Variants in APLP2 observed in about 807,000 individuals in gnomAD.
APLP2 encodes CDEI box-binding protein.
In APLP2, 53 loss-of-function variants were observed where a neutral mutation model predicts 89.9. The ratio of observed to expected loss-of-function variants is 0.59; its 90% CI spans 0.47 to 0.74. The LOEUF (loss-of-function observed/expected upper bound fraction) is 0.74, where lower values mean the gene tolerates loss of function less well. Among genes scored for constraint, APLP2 ranks in the 30% least tolerant of loss-of-function variants. The probability of loss-of-function intolerance (pLI) is 0.00; values close to 1 mark genes in which losing one functional copy is unlikely to be tolerated. For synonymous variants in APLP2, 372 were observed against 348.6 expected (o/e 1.07, Z -0.75); for missense variants, 973 against 975.9 (o/e 1.00, Z 0.04).
intron 1 of APLP2, among the ~76,000 whole-genome samples, chr11:130,085,282 T>A (rs1943927851): frequency 1.3e-5 from 2 of 152,118 alleles, no homozygotes; most frequent in African/African-American, 4.8e-5. Context: ...AAACGCCGTC[T>A]CTACTAAAAA....
chr11:130,134,379 G>C (rs1951297909), intron 12 of APLP2, among the ~76,000 whole-genome samples: 1 of 152,182 alleles, frequency 6.6e-6, no homozygotes, highest in Admixed American at 6.5e-5. Flanking sequence ...TGGTAGCAGA[G>C]GGAGCGGCAG....
chr11:130,090,865 C>A (rs1007749711), intron 1 of APLP2, among the ~76,000 whole-genome samples: 1 of 150,130 alleles, frequency 6.7e-6, no homozygotes, highest in Non-Finnish European at 1.5e-5. Context: ...CCTCACCTCC[C>A]GGACGGGGCG....
At chr11:130,083,477 C>T (rs1368855162) in intron 1 of APLP2, among the ~76,000 whole-genome samples, 3 of 152,188 alleles carry the variant, frequency 2.0e-5, no homozygotes, top group African/African-American at 7.2e-5. Flanking sequence ...AAACTTTATA[C>T]CTGTTGAATA....
rs1229173712 is a variant in APLP2 at position 130,121,772 on chromosome 11, A to G, written c.675A>G (p.Glu225=). The change falls in exon 5 of 17, where the codon GAA becomes GAG. Residue 225 remains glutamate, a synonymous_variant. Transcript: ENST00000338167. ...AAGAGGAAGATGAAGAGGAAGAGGA[A>G]GAGGAAGATGAAGAGGAAGACTATG... ...EEEEEDEEEE[E]EEDEEEDYDV... The G allele has an allele frequency of 6.2e-7, 1 of 1,613,310 alleles. No individual in the cohort carries two copies. The highest frequency in any genetic ancestry group is 2.2e-5 in the East Asian group (1 of 44,878).
intron 4 of APLP2, among the ~76,000 whole-genome samples, chr11:130,121,196 T>C (rs1035299865): frequency 6.6e-6 from 1 of 152,230 alleles, no homozygotes; most frequent in Non-Finnish European, 1.5e-5. Flanking sequence ...ACTTTTCTGG[T>C]GGCAAGAAGT....
At chr11:130,097,141 T>C (rs1162090876) in intron 1 of APLP2, among the ~76,000 whole-genome samples, 1 of 152,218 alleles carries the variant, frequency 6.6e-6, no homozygotes, top group Non-Finnish European at 1.5e-5. Flanking sequence ...TAGAGCACTT[T>C]CGTATTTTTG....
chr11:130,137,732 T>C (rs1951800027), intron 13 of APLP2, among the ~76,000 whole-genome samples: 2 of 152,234 alleles, frequency 1.3e-5, no homozygotes, highest in Admixed American at 1.3e-4. Context: ...CTTTTCTTTT[T>C]GGCTCTCCTC....
intron 1 of APLP2, among the ~76,000 whole-genome samples, chr11:130,079,244 A>G (rs1469821958): frequency 6.6e-6 from 1 of 151,920 alleles, no homozygotes; most frequent in Non-Finnish European, 1.5e-5. Context: ...GATTACAGGC[A>G]CCCACCACCA....
At chr11:130,075,429 A>G (rs1489760221) in intron 1 of APLP2, among the ~76,000 whole-genome samples, 1 of 152,232 alleles carries the variant, frequency 6.6e-6, no homozygotes, top group Non-Finnish European at 1.5e-5. Flanking sequence ...GTATTTATTA[A>G]ACCTGTTACA....
Position 130,123,568 on chromosome 11 carries a change from G to C in APLP2, c.923-44G>C. ...CCTGTAGCATTTTGAAGCATTTGAC[G>C]TCACTGCCTCTGTCCTGCTGACACT... On this transcript the variant is annotated intron_variant, in intron 6 of 16. Coordinates refer to ENST00000338167, the MANE Select transcript of APLP2 (RefSeq NM_001142276.2). The surrounding 1 kb of genome is among the most constrained non-coding windows in gnomAD (Gnocchi z 4.0). The C allele has an allele frequency of 6.3e-7, 1 of 1,578,156 alleles. No individual in the cohort carries two copies. Among genetic ancestry groups the C allele is most frequent in the African/African-American group, 1.4e-5 (1 of 73,990 alleles).
intron 1 of APLP2, among the ~76,000 whole-genome samples, chr11:130,084,499 T>G (rs1387275546): frequency 6.6e-6 from 1 of 152,202 alleles, no homozygotes; most frequent in Non-Finnish European, 1.5e-5. Flanking sequence ...CTTTTTTTTG[T>G]AGTGTCTTAA....
In APLP2 at chr11:130,119,272, G is replaced by A. The variant is rs564186509; in HGVS notation, c.404-1434G>A. On this transcript the variant is annotated intron_variant, in intron 3 of 16. Transcript: ENST00000338167. Reference sequence around the variant, plus strand: ...TCTTCCTGGGCTAAGCACCCTTCTCGCCCTCTCTTCCTCTCCCTCTACACT... The same window carrying A: ...TCTTCCTGGGCTAAGCACCCTTCTCACCCTCTCTTCCTCTCCCTCTACACT... 3.9e-5 allele frequency among the ~76,000 whole-genome samples: 6 copies of A among 152,096 alleles called. No homozygotes were observed. In the South Asian group the frequency reaches 1.0e-3, roughly 26 times the overall value.
At chr11:130,076,237 G>T (rs1250435418) in intron 1 of APLP2, among the ~76,000 whole-genome samples, 1 of 151,896 alleles carries the variant, frequency 6.6e-6, no homozygotes, top group African/African-American at 2.4e-5. Context: ...ACCATGCCCG[G>T]CTAATTTTTA....
In APLP2 at chr11:130,144,077, C is replaced by T. The variant is rs1952711402; in HGVS notation, c.*629C>T. 6.6e-6 allele frequency: 1 copy of T among 152,606 alleles called. No individual in the cohort carries two copies. The highest frequency in any genetic ancestry group is 2.4e-5 in the African/African-American group (1 of 41,436). The allele number at this position is 152,606 out of a possible 1,614,324, so 9.5% of individuals were successfully genotyped here. A position where few individuals can be genotyped will look rare whatever the true frequency, so the allele number is the denominator to read the frequency against. ...GTGTGTCTCCATAAAAGTCCTGTCACCAAGGACGTTAAAGGCATTTTATTC... is the reference window on the plus strand; with the variant it reads ...GTGTGTCTCCATAAAAGTCCTGTCATCAAGGACGTTAAAGGCATTTTATTC... On this transcript the variant is annotated 3_prime_UTR_variant, in exon 17 of 17. Coordinates refer to ENST00000338167, the MANE Select transcript of APLP2 (RefSeq NM_001142276.2).
In APLP2 at chr11:130,141,956, G is replaced by C; in HGVS notation, c.2036G>C (p.Ser679Thr). Residue 679 changes from serine to threonine, a missense_variant, in exon 16 of 17, where the codon AGT becomes ACT. Transcript: ENST00000338167. The surrounding 1 kb of genome is among the most constrained non-coding windows in gnomAD (Gnocchi z 4.2). ...CCACTGCGGGAGGACTTCAGTCTGA[G>C]TAGCAGTGCTCTCATTGGCCTGCTG... ...VGPLREDFSL[S>T]SSALIGLLVI... 7 of 1,614,022 alleles carry C rather than the reference G, an allele frequency of 4.3e-6. No individual in the cohort carries two copies. The highest frequency in any genetic ancestry group is 5.1e-6 in the Non-Finnish European group (6 of 1,179,912).
intron 4 of APLP2, 106 bp downstream of exon 4, chr11:130,120,924 A>C: frequency 1.3e-6 from 1 of 778,812 alleles, no homozygotes; most frequent in Middle Eastern, 2.3e-4. Flanking sequence ...TGTTTCCCCC[A>C]TTATCTCCTT....
At chr11:130,109,682 T>A (rs2135791637) in intron 2 of APLP2, 80 bp downstream of exon 2, 1 of 1,447,210 alleles carries the variant, frequency 6.9e-7, no homozygotes, top group Admixed American at 2.3e-5. Context: ...ATAGATATTC[T>A]GTCATTCTCT....
chr11:130,090,985 G>T (rs1944957681), intron 1 of APLP2, among the ~76,000 whole-genome samples: 1 of 149,754 alleles, frequency 6.7e-6, no homozygotes, highest in Middle Eastern at 3.2e-3. Context: ...GGCTGGCCGG[G>T]CGGGGGGCCG....
At chr11:130,071,664 G>A (rs1220523764) in intron 1 of APLP2, among the ~76,000 whole-genome samples, 1 of 152,174 alleles carries the variant, frequency 6.6e-6, no homozygotes, top group Admixed American at 6.5e-5. Flanking sequence ...TAAAGAATTC[G>A]TTAATACTTG....
Sources: allele counts gnomAD v4.1 joint callset (sites outside exome capture counted in the v4.1 genomes callset), GRCh38; gene constraint gnomAD v4.1.1; non-coding constraint Gnocchi (gnomAD v3.1); transcripts MANE v1.5; gene names NCBI Gene and HGNC (gene_info 2026-07-23, HGNC 2026-07-21).